Variants in MLLT3 observed in about 807,000 individuals in gnomAD.
MLLT3 encodes MLLT3 super elongation complex subunit, also known as protein AF-9.
Under a neutral mutation model 53.2 loss-of-function variants are expected in MLLT3, and 4 were observed. The ratio of observed to expected loss-of-function variants is 0.08; its 90% CI spans 0.04 to 0.17. The LOEUF is 0.17. Among genes scored for constraint, MLLT3 ranks in the 10% least tolerant of loss-of-function variants. The pLI, the probability that MLLT3 is intolerant of heterozygous loss-of-function variation, is 1.00. For missense variants in MLLT3, 569 were observed against 684.0 expected (o/e 0.83, Z 1.87); for synonymous variants, 283 against 230.6 (o/e 1.23, Z -2.06).
chr9:20,612,140 A>C (rs958680822), intron 2 of MLLT3, among the ~76,000 whole-genome samples: 1 of 152,200 alleles, frequency 6.6e-6, no homozygotes, highest in Non-Finnish European at 1.5e-5. Flanking sequence ...TCAATGTTTT[A>C]AAAGTAAACA....
At chr9:20,369,792 G>T (rs1821548768) in intron 5 of MLLT3, among the ~76,000 whole-genome samples, 1 of 152,156 alleles carries the variant, frequency 6.6e-6, no homozygotes, top group African/African-American at 2.4e-5. Context: ...GTTATATGAA[G>T]ATCTTTATAT....
chr9:20,580,310 C>T (rs1049177262), intron 2 of MLLT3, among the ~76,000 whole-genome samples: 3 of 151,932 alleles, frequency 2.0e-5, no homozygotes, highest in African/African-American at 7.3e-5. Flanking sequence ...TGTAACTAGA[C>T]AGTGATAAGA....
chr9:20,555,161 T>C (rs1226745360), intron 2 of MLLT3, among the ~76,000 whole-genome samples: 1 of 152,052 alleles, frequency 6.6e-6, no homozygotes, highest in Non-Finnish European at 1.5e-5. Flanking sequence ...CAGATAGCAC[T>C]CCTCCTGAAG....
chr9:20,613,197 T>C (rs1820742916), intron 2 of MLLT3, among the ~76,000 whole-genome samples: 1 of 152,196 alleles, frequency 6.6e-6, no homozygotes, highest in Non-Finnish European at 1.5e-5. Flanking sequence ...ATAAAAATAT[T>C]CTGGTATTAA....
intron 2 of MLLT3, among the ~76,000 whole-genome samples, chr9:20,493,158 T>C (rs1486484168): frequency 6.6e-6 from 1 of 152,024 alleles, no homozygotes; most frequent in Non-Finnish European, 1.5e-5. Flanking sequence ...AAACTTTTTC[T>C]TATTATTAGA....
intron 2 of MLLT3, among the ~76,000 whole-genome samples, chr9:20,484,539 T>TACCC (rs1261310954): frequency 6.6e-6 from 1 of 152,214 alleles, no homozygotes; most frequent in Non-Finnish European, 1.5e-5. Context: ...ATGCACCTAC[T>TACCC]ACCCAACTAT....
chr9:20,508,086 G>C (rs962998813), intron 2 of MLLT3, among the ~76,000 whole-genome samples: 4 of 152,080 alleles, frequency 2.6e-5, no homozygotes, highest in African/African-American at 9.7e-5. Flanking sequence ...AAATAGTTTA[G>C]CATCTGTCTC....
intron 2 of MLLT3, among the ~76,000 whole-genome samples, chr9:20,577,261 A>C (rs1178522998): frequency 6.6e-6 from 1 of 152,150 alleles, no homozygotes; most frequent in African/African-American, 2.4e-5. Context: ...AAGGCCCTGA[A>C]TGTTCAGATG....
rs758415733 is a variant in MLLT3 at position 20,431,625 on chromosome 9, C to T, written c.420+16498G>A. 3.3e-5 allele frequency among the ~76,000 whole-genome samples: 5 copies of T among 151,976 alleles called. No homozygotes were observed. The South Asian group carries it at 8.3e-4, about 25-fold the overall frequency. The stretch of plus-strand genomic sequence containing the variant: ...AAAACCGGTTTCTTACTATGGGTCA[C>T]GGTCATAAAAGTCTGAAATCTAATG... On this transcript the variant is annotated intron_variant, in intron 4 of 10. Transcript: ENST00000380338.
chr9:20,528,150 T>G (rs964657218), intron 2 of MLLT3, among the ~76,000 whole-genome samples: 4 of 152,218 alleles, frequency 2.6e-5, no homozygotes, highest in African/African-American at 9.6e-5. Context: ...AGCATCTAAT[T>G]GAGGTTAAAG....
intron 2 of MLLT3, among the ~76,000 whole-genome samples, chr9:20,578,216 G>T (rs1460387101): frequency 6.6e-6 from 1 of 152,154 alleles, no homozygotes; most frequent in Non-Finnish European, 1.5e-5. Flanking sequence ...TGTAAGAACT[G>T]CTAGATAAAC....
At chr9:20,576,932 C>T (rs560736020) in intron 2 of MLLT3, among the ~76,000 whole-genome samples, 6 of 152,254 alleles carry the variant, frequency 3.9e-5, no homozygotes, top group South Asian at 2.1e-4. Context: ...CCTGAGCCCA[C>T]GAGTTTGGGA....
intron 2 of MLLT3, among the ~76,000 whole-genome samples, chr9:20,610,170 C>T (rs1820666686): frequency 6.6e-6 from 1 of 152,096 alleles, no homozygotes; most frequent in Non-Finnish European, 1.5e-5. Flanking sequence ...AAATACTGCT[C>T]CTACCAGTTA....
At chr9:20,491,432 A>T (rs1256049915) in intron 2 of MLLT3, among the ~76,000 whole-genome samples, 1 of 152,128 alleles carries the variant, frequency 6.6e-6, no homozygotes. Flanking sequence ...AAAAATCCAG[A>T]TAAACGCAAT....
intron 10 of MLLT3, among the ~76,000 whole-genome samples, chr9:20,346,923 A>T (rs888309662): frequency 2.6e-5 from 4 of 152,132 alleles, no homozygotes; most frequent in Non-Finnish European, 2.9e-5. Flanking sequence ...ATAGACAGTG[A>T]TTATACTTAA....
chr9:20,557,526 C>T (rs78688471), intron 2 of MLLT3, among the ~76,000 whole-genome samples: 1,757 of 152,288 alleles, frequency 0.012, 27 homozygotes, highest in Middle Eastern at 0.027. Context: ...CAGTGACTAT[C>T]ACCACACCTG....
chr9:20,518,625 T>C (rs1010814300), intron 2 of MLLT3, among the ~76,000 whole-genome samples: 2 of 152,126 alleles, frequency 1.3e-5, no homozygotes, highest in Non-Finnish European at 2.9e-5. Context: ...AGATACCACC[T>C]TAAACAAGTG....
Position 20,360,827 on chromosome 9 carries a change from T to C in MLLT3, c.1346A>G (p.Asp449Gly), listed in dbSNP as rs1206437758. 2 of 1,613,788 alleles carry C rather than the reference T, an allele frequency of 1.2e-6. No homozygotes were observed. The highest frequency in any genetic ancestry group is 1.7e-6 in the Non-Finnish European group (2 of 1,179,770). The change falls in exon 8 of 11, where the codon GAT (aspartate) becomes GGT (glycine). Residue 449 changes from aspartate (D) to glycine (G), a missense_variant. Coordinates refer to ENST00000380338, the MANE Select transcript of MLLT3 (RefSeq NM_004529.4). ...GSRSRRVSLS[D>G]GSDSESSSAS... ...AGAACTGCTTTCACTATCGCTGCCA[T>C]CACTTAAGCTAACTCTGAAAAGAAA...
chr9:20,457,600 C>T (rs1238235976), intron 2 of MLLT3, among the ~76,000 whole-genome samples: 1 of 151,986 alleles, frequency 6.6e-6, no homozygotes, highest in Non-Finnish European at 1.5e-5. Context: ...AATCCCAAAC[C>T]CAGAGTTTCT....
Sources: gnomAD v4.1 joint callset for allele counts (sites outside exome capture counted in the v4.1 genomes callset) on GRCh38, gnomAD v4.1.1 for gene constraint, MANE v1.5 for transcripts, NCBI Gene and HGNC (gene_info 2026-07-23, HGNC 2026-07-21) for gene names.